DMBT1: variants seen among roughly 807,000 people sequenced by gnomAD.
DMBT1 encodes the protein scavenger receptor cysteine-rich domain-containing protein DMBT1.
A neutral mutation model predicts 252.9 loss-of-function variants in DMBT1; 198 were observed. The ratio of observed to expected loss-of-function variants is 0.78; its 90% CI spans 0.70 to 0.88. The LOEUF (loss-of-function observed/expected upper bound fraction) is 0.88, where lower values mean the gene tolerates loss of function less well. Among genes scored for constraint, DMBT1 ranks in the 40% least tolerant of loss-of-function variants. The pLI, the probability that DMBT1 is intolerant of heterozygous loss-of-function variation, is 0.00. For missense variants in DMBT1, 2,432 were observed against 2,404.7 expected (o/e 1.01, Z -0.24); for synonymous variants, 990 against 942.7 (o/e 1.05, Z -0.92).
intron 52 of DMBT1, among the ~76,000 whole-genome samples, chr10:122,634,413 C>CTTT (rs1378320898): frequency 5.7e-4 from 41 of 71,754 alleles, no homozygotes; most frequent in African/African-American, 1.7e-3. Flanking sequence ...TTCTTTCTTT[C>CTTT]TCTCTCTCTC....
Position 122,640,158 on chromosome 10 carries a change from G to A in DMBT1, c.7061G>A (p.Trp2354Ter). The part of the protein sequence containing the change: ...HVSCRMLQNT[W>*]VDTMYIANDT... ...AGCTGCAGAATGCTTCAGAACACCT[G>A]GGTCGACACCATGTACATTGCTAAT... is the stretch of plus-strand genomic sequence containing the variant. The change falls in exon 55 of 56, where the codon TGG (tryptophan) becomes TAG (stop). Residue 2354 changes from tryptophan to a stop codon, truncating the protein, a stop_gained. Transcript: ENST00000338354. LOFTEE classifies it high-confidence loss of function. 6.2e-7 allele frequency: 1 copy of A among 1,614,058 alleles called. No homozygotes were observed. The highest frequency in any genetic ancestry group is 8.5e-7 in the Non-Finnish European group (1 of 1,179,906).
chr10:122,565,725 G>A (rs1457408650), intron 1 of DMBT1, among the ~76,000 whole-genome samples: 2 of 152,130 alleles, frequency 1.3e-5, no homozygotes, highest in Non-Finnish European at 2.9e-5. Flanking sequence ...TAGTGTTAGG[G>A]GCCTAGTAAA....
rs776840192 is a variant in DMBT1 at position 122,601,043 on chromosome 10, C to G, written c.3343+20C>G. ...CAGCAGGTAAATAATCCTCTCACCC[C>G]TCCCTAGGGCTCACTGTCTCTGGAC... On this transcript the variant is annotated intron_variant, in intron 28 of 55. Transcript: ENST00000338354. The G allele has an allele frequency of 1.2e-6, 1 of 836,404 alleles. No individual in the cohort carries two copies. Among genetic ancestry groups the G allele is most frequent in the Admixed American group, 2.1e-5 (1 of 46,552 alleles). 51.8% of individuals were successfully genotyped at this position (836,404 alleles called of 1,614,324 possible).
At chr10:122,625,496 C>T (rs1406945599) in intron 45 of DMBT1, among the ~76,000 whole-genome samples, 193 bp downstream of exon 45, 1 of 152,176 alleles carries the variant, frequency 6.6e-6, no homozygotes, top group Non-Finnish European at 1.5e-5. Context: ...GTGGAGGGCC[C>T]CTGTGGCCTC....
chr10:122,636,073 G>A lies in DMBT1; in HGVS notation c.6631G>A (p.Asp2211Asn), dbSNP rs2098224711. 1 of 1,613,990 alleles carries A rather than the reference G, an allele frequency of 6.2e-7. No homozygotes were observed. The highest frequency in any genetic ancestry group is 8.5e-7 in the Non-Finnish European group (1 of 1,179,888). ...TTCCCCTCTCATTGCTCGAGTTTGT[G>A]ATGGGGCCAGAGGCTCCTTCACTTC... The part of the protein sequence containing the change: ...RSSPLIARVC[D>N]GARGSFTSSS... Residue 2211 changes from aspartate to asparagine, a missense_variant, in exon 53 of 56, where the codon GAT (aspartate) becomes AAT (asparagine). Transcript: ENST00000338354.
chr10:122,560,924 T>G, intron 1 of DMBT1, 93 bp downstream of exon 1: 1 of 966,860 alleles, frequency 1.0e-6, no homozygotes, highest in Non-Finnish European at 1.6e-6. Flanking sequence ...AAGGGAAGTT[T>G]TATATCAAAG....
intron 10 of DMBT1, 116 bp downstream of exon 10, chr10:122,580,017 G>A (rs753479816): frequency 6.5e-7 from 1 of 1,539,344 alleles, no homozygotes; most frequent in Non-Finnish European, 8.7e-7. Flanking sequence ...TGTTTCTGAA[G>A]ACTTGTCAGC....
Position 122,597,444 on chromosome 10 carries a change from C to T in DMBT1, c.2917+390C>T, listed in dbSNP as rs551393008. On this transcript the variant is annotated intron_variant, in intron 24 of 55. Coordinates refer to ENST00000338354, the MANE Select transcript of DMBT1 (RefSeq NM_001377530.1). ...CAGCTAAAGCCTTAAACATGGCTGC[C>T]GCCACAGGCAAGCAATGTCAGTGCA... Among the ~76,000 whole-genome samples, 23 of 152,264 alleles carry T rather than the reference C, an allele frequency of 1.5e-4. 1 individual carries two copies. In the East Asian group the frequency reaches 3.1e-3, roughly 20 times the overall value.
At chr10:122,642,229 G>A (rs1416381398) in intron 55 of DMBT1, among the ~76,000 whole-genome samples, 3 of 152,060 alleles carry the variant, frequency 2.0e-5, no homozygotes, top group Non-Finnish European at 4.4e-5. Context: ...AATCTGGGTT[G>A]CCTATGGAGG....
chr10:122,624,642 A>G (rs1314966070), intron 44 of DMBT1, among the ~76,000 whole-genome samples: 2 of 152,152 alleles, frequency 1.3e-5, no homozygotes, highest in Non-Finnish European at 2.9e-5. Flanking sequence ...GATGACACCA[A>G]TGACGCCAAT....
rs757731283 is a variant in DMBT1, at chr10:122,621,178, T to A, written c.5406T>A (p.Asp1802Glu). 9 of 1,613,786 alleles carry A rather than the reference T, an allele frequency of 5.6e-6. No individual in the cohort carries two copies. Among genetic ancestry groups the A allele is most frequent in the South Asian group, 1.1e-5 (1 of 91,078 alleles). The change falls in exon 44 of 56, where the codon GAT becomes GAA. Residue 1802 changes from aspartate to glutamate, a missense_variant. Transcript: ENST00000338354. ...GTGATGACAGCTGGGACACCAATGATGCCAATGTGGTCTGCAGGCAGCTGG... is the reference window on the plus strand; with the variant it reads ...GTGATGACAGCTGGGACACCAATGAAGCCAATGTGGTCTGCAGGCAGCTGG... ...TVCDDSWDTN[D>E]ANVVCRQLGC...
In DMBT1 at chr10:122,569,920, C is replaced by T. The variant is rs1451383418; in HGVS notation, c.92-242C>T. ...AGTGGACTTGGTGATTTTTTGAATA[C>T]AGGTCGTGGCAGCAGAGGAGGTGTG... On this transcript the variant is annotated intron_variant, in intron 2 of 55. Transcript: ENST00000338354. Among the ~76,000 whole-genome samples the T allele has an allele frequency of 3.3e-5, 5 of 152,076 alleles. No individual in the cohort carries two copies. In the East Asian group the frequency reaches 9.6e-4, roughly 29 times the overall value.
Position 122,580,876 on chromosome 10 carries a change from C to A in DMBT1, c.1014C>A (p.Ser338=), listed in dbSNP as rs780251850. The change falls in exon 11 of 56, where the codon TCC becomes TCA. Residue 338 remains serine (S), a synonymous_variant. Transcript: ENST00000338354. ...TTCTCTTTCTCACAGCTCCCCAGTC[C>A]CGGCCGACACCCAGCCCAGGTAGGT... is the stretch of plus-strand genomic sequence containing the variant. The part of the protein sequence containing the change: ...DAGVICSAPQ[S]RPTPSPDTWP... 9 of 1,613,874 alleles carry A rather than the reference C, an allele frequency of 5.6e-6. No homozygotes were observed. The Admixed American group carries it at 8.3e-5, about 15-fold the overall frequency.
At chr10:122,591,597 G>A (rs1423507693) in intron 19 of DMBT1, 80 bp downstream of exon 19, 1 of 1,421,288 alleles carries the variant, frequency 7.0e-7, no homozygotes, top group African/African-American at 1.4e-5. Context: ...ATAGGATGAG[G>A]GTCAAGGTGG....
In DMBT1 at chr10:122,579,702, C is replaced by A; in HGVS notation, c.804C>A (p.Ala268=). The change falls in exon 10 of 56, where the codon GCC becomes GCA. Residue 268 remains alanine, a synonymous_variant. Coordinates refer to ENST00000338354, the MANE Select transcript of DMBT1 (RefSeq NM_001377530.1). ...ATGACTACTGGGACACCAATGATGC[C>A]AATGTGGTCTGCAGGCAGCTGGGCT... is the stretch of plus-strand genomic sequence containing the variant. ...VCDDYWDTND[A]NVVCRQLGCG... The A allele has an allele frequency of 3.1e-6, 5 of 1,613,876 alleles. No homozygotes were observed. The highest frequency in any genetic ancestry group is 4.2e-6 in the Non-Finnish European group (5 of 1,179,816).
intron 41 of DMBT1, among the ~76,000 whole-genome samples, chr10:122,618,727 C>G (rs1469315413): frequency 6.6e-6 from 1 of 152,206 alleles, no homozygotes; most frequent in South Asian, 2.1e-4. Flanking sequence ...GAACTGTGAA[C>G]TAAAGATGCT....
At chr10:122,566,209 C>T (rs574442092) in intron 2 of DMBT1, among the ~76,000 whole-genome samples, 4 of 152,350 alleles carry the variant, frequency 2.6e-5, no homozygotes, top group African/African-American at 9.6e-5. Context: ...ATTCTCCTTC[C>T]TCTTGCTCTC....
chr10:122,577,670 C>T lies in DMBT1; in HGVS notation c.608-141C>T, dbSNP rs540718061. ...GGTCCCTGAGGGACCGAGGGCTTCA[C>T]GGTGGGCACTGGCAGGGCCCACTTG... On this transcript the variant is annotated intron_variant, in intron 7 of 55. Coordinates refer to ENST00000338354, the MANE Select transcript of DMBT1 (RefSeq NM_001377530.1). 433 of 860,054 alleles carry T rather than the reference C, an allele frequency of 5.0e-4. 5 individuals carry two copies. In the South Asian group the frequency reaches 6.6e-3, roughly 13 times the overall value. 53.3% of individuals were successfully genotyped at this position (860,054 alleles called of 1,614,324 possible).
chr10:122,579,741 G>A lies in DMBT1; in HGVS notation c.843G>A (p.Met281Ile), dbSNP rs1229011943. 11 of 1,613,710 alleles carry A rather than the reference G, an allele frequency of 6.8e-6. No individual in the cohort carries two copies. The highest frequency in any genetic ancestry group is 8.5e-6 in the Non-Finnish European group (10 of 1,179,786). ...VCRQLGCGWA[M>I]SAPGNAQFGQ... The stretch of plus-strand genomic sequence containing the variant: ...GGCAGCTGGGCTGTGGCTGGGCCAT[G>A]TCAGCCCCAGGAAATGCCCAGTTTG... The change falls in exon 10 of 56, where the codon ATG (methionine) becomes ATA (isoleucine). Residue 281 changes from methionine to isoleucine, a missense_variant. Transcript: ENST00000338354.
Sources: gnomAD v4.1 joint callset for allele counts (sites outside exome capture counted in the v4.1 genomes callset) on GRCh38, gnomAD v4.1.1 for gene constraint, MANE v1.5 for transcripts, NCBI Gene and HGNC (gene_info 2026-07-23, HGNC 2026-07-21) for gene names.